The following MMP12 variants were observed in gnomAD, a reference collection of about 807,000 sequenced individuals.
MMP12 encodes the protein matrix metallopeptidase 12, also known as macrophage metalloelastase.
A neutral mutation model predicts 45.2 loss-of-function variants in MMP12; 51 were observed. The ratio of observed to expected loss-of-function variants is 1.13; its 90% CI spans 0.90 to 1.42. The LOEUF (loss-of-function observed/expected upper bound fraction) is 1.42, where lower values mean the gene tolerates loss of function less well. MMP12 is among the 40% of genes most tolerant of loss of function. The pLI, the probability that MMP12 is intolerant of heterozygous loss-of-function variation, is 0.00. For synonymous variants in MMP12, 210 were observed against 193.3 expected (o/e 1.09, Z -0.72); for missense variants, 530 against 570.8 (o/e 0.93, Z 0.73).
intron 9 of MMP12, 44 bp downstream of exon 9, chr11:102,864,102 G>A: frequency 7.3e-7 from 1 of 1,379,184 alleles, no homozygotes; most frequent in Non-Finnish European, 1.0e-6. Flanking sequence ...TTATAGCTTT[G>A]AAATGTTATT....
At chr11:102,870,117 A>C (rs370231836) in intron 4 of MMP12, among the ~76,000 whole-genome samples, 69 of 152,346 alleles carry the variant, frequency 4.5e-4, no homozygotes, top group African/African-American at 1.5e-3. Flanking sequence ...TCCACAAACT[A>C]GCCACTAACC....
chr11:102,864,405 C>T (rs1859348709), intron 8 of MMP12, among the ~76,000 whole-genome samples, 153 bp from the exon 9 acceptor site: 1 of 152,186 alleles, frequency 6.6e-6, no homozygotes, highest in South Asian at 2.1e-4. Flanking sequence ...CACTGATTTC[C>T]TCTGAGTCCC....
chr11:102,863,093 A>T lies in MMP12; in HGVS notation c.*7T>A. ...TGAACTAACAAAAACCATTAATTACACCATTTCTAACAACCAAACCAGCTA... is the reference window on the plus strand; with the variant it reads ...TGAACTAACAAAAACCATTAATTACTCCATTTCTAACAACCAAACCAGCTA... On this transcript the variant is annotated 3_prime_UTR_variant, in exon 10 of 10. Coordinates refer to ENST00000571244, the MANE Select transcript of MMP12 (RefSeq NM_002426.6). 1 of 1,585,630 alleles carries T rather than the reference A, an allele frequency of 6.3e-7. No individual in the cohort carries two copies. Among genetic ancestry groups the T allele is most frequent in the Non-Finnish European group, 8.6e-7 (1 of 1,159,014 alleles).
rs782703310 is a variant in MMP12, at chr11:102,872,855, C to A, written c.350+10G>T. The A allele has an allele frequency of 3.1e-6, 5 of 1,613,024 alleles. No homozygotes were observed. In the South Asian group the frequency reaches 4.4e-5, roughly 14 times the overall value. ...GTAGAAAAATACAGGGCGACATACA[C>A]CAACGTTACCTGTAGGTGATATAAT... is the stretch of plus-strand genomic sequence containing the variant. On this transcript the variant is annotated intron_variant, in intron 2 of 9. Coordinates refer to ENST00000571244, the MANE Select transcript of MMP12 (RefSeq NM_002426.6).
chr11:102,869,201 G>A (rs369489148), intron 4 of MMP12, among the ~76,000 whole-genome samples: 1 of 151,976 alleles, frequency 6.6e-6, no homozygotes, highest in Non-Finnish European at 1.5e-5. Context: ...GAACTGACTT[G>A]CCCAGAGTCA....
chr11:102,863,836 C>T (rs192966040), intron 9 of MMP12, among the ~76,000 whole-genome samples: 7 of 152,274 alleles, frequency 4.6e-5, no homozygotes, highest in Admixed American at 2.0e-4. Flanking sequence ...GCCATGTGCT[C>T]GCTTGCACAT....
Position 102,865,065 on chromosome 11 carries a change from G to A in MMP12, c.1205+711C>T, listed in dbSNP as rs368260854. On this transcript the variant is annotated intron_variant, in intron 8 of 9. Coordinates refer to ENST00000571244, the MANE Select transcript of MMP12 (RefSeq NM_002426.6). This position sits in a 1 kb window ranked among gnomAD's most constrained non-coding sequence, Gnocchi z 4.1. ...AGTTTTGTTTCTCAAACAGAGCTAA[G>A]GGCTGGTGGACAAATTCAAGTCATA... is the stretch of plus-strand genomic sequence containing the variant. Among the ~76,000 whole-genome samples the A allele has an allele frequency of 8.3e-4, 127 of 152,300 alleles. No homozygotes were observed. The Middle Eastern group carries it at 0.027, about 33-fold the overall frequency.
At position 102,867,377 on chromosome 11, in the gene MMP12, GT is replaced by G; in HGVS notation, c.803del (p.Asn268ThrfsTer19). On this transcript the variant is annotated frameshift_variant, in exon 6 of 10. Coordinates refer to ENST00000571244, the MANE Select transcript of MMP12 (RefSeq NM_002426.6). LOFTEE classifies it high-confidence loss of function. ...IQSLYGDPKE[N>X]QRLPNPDNSE... Reference sequence around the variant, plus strand: ...AATTGTCAGGATTTGGCAAGCGTTGGTTCTCTTTTGGGTCTCCTGAAAATAC... The same window carrying G: ...AATTGTCAGGATTTGGCAAGCGTTGGTCTCTTTTGGGTCTCCTGAAAATAC... 1 of 1,609,708 alleles carries G rather than the reference GT, an allele frequency of 6.2e-7. No homozygotes were observed.
chr11:102,864,698 T>C (rs1365721594), intron 8 of MMP12, among the ~76,000 whole-genome samples: 2 of 152,200 alleles, frequency 1.3e-5, no homozygotes, highest in African/African-American at 4.8e-5. Context: ...TTGAGAGAAA[T>C]TGAAAATAAA....
chr11:102,867,378 T>C lies in MMP12; in HGVS notation c.803A>G (p.Asn268Ser). 6.2e-7 allele frequency: 1 copy of C among 1,609,880 alleles called. No homozygotes were observed. Among genetic ancestry groups the C allele is most frequent in the Non-Finnish European group, 8.5e-7 (1 of 1,178,412 alleles). Reference protein sequence around the residue: ...IQSLYGDPKENQRLPNPDNSE... With the variant: ...IQSLYGDPKESQRLPNPDNSE... ...ATTGTCAGGATTTGGCAAGCGTTGG[T>C]TCTCTTTTGGGTCTCCTGAAAATAC... The change falls in exon 6 of 10, where the codon AAC (asparagine) becomes AGC (serine). Residue 268 changes from asparagine to serine, a missense_variant. Coordinates refer to ENST00000571244, the MANE Select transcript of MMP12 (RefSeq NM_002426.6).
intron 9 of MMP12, among the ~76,000 whole-genome samples, 181 bp downstream of exon 9, chr11:102,863,965 C>A (rs143450656): frequency 1.3e-5 from 2 of 152,204 alleles, no homozygotes; most frequent in African/African-American, 4.8e-5. Context: ...GTGCCACCAG[C>A]CCCTGCTCAT....
chr11:102,867,458 T>G (rs1169641327), intron 5 of MMP12, 65 bp from the exon 6 acceptor site: 1 of 1,440,878 alleles, frequency 6.9e-7, no homozygotes, highest in Non-Finnish European at 9.3e-7. Context: ...GGAGGAACAG[T>G]TATGTTTTAA....
In MMP12 at chr11:102,864,272, G is replaced by C. The variant is rs1555008213; in HGVS notation, c.1206-20C>G. On this transcript the variant is annotated intron_variant, in intron 8 of 9. Coordinates refer to ENST00000571244, the MANE Select transcript of MMP12 (RefSeq NM_002426.6). Reference sequence around the variant, plus strand: ...TCATACCTGAGCAAAGAAGTAACCAGCAGGAACTCAATCAGAAAGTGGCTT... The same window carrying C: ...TCATACCTGAGCAAAGAAGTAACCACCAGGAACTCAATCAGAAAGTGGCTT... The C allele has an allele frequency of 6.4e-7, 1 of 1,551,126 alleles. No homozygotes were observed. Among genetic ancestry groups the C allele is most frequent in the Non-Finnish European group, 8.9e-7 (1 of 1,123,634 alleles).
At position 102,864,144 on chromosome 11, in the gene MMP12, A is replaced by C. The variant is rs782154402; in HGVS notation, c.1312+2T>G. On this transcript the variant is annotated splice_donor_variant, in intron 9 of 9. Coordinates refer to ENST00000571244, the MANE Select transcript of MMP12 (RefSeq NM_002426.6). LOFTEE classifies it high-confidence loss of function. ...ATCTTCATGGTTTCCTCATCTACTTACTGTTTTTAGAGTAGAAGACTGCAT... is the reference window on the plus strand; with the variant it reads ...ATCTTCATGGTTTCCTCATCTACTTCCTGTTTTTAGAGTAGAAGACTGCAT... 6.3e-7 allele frequency: 1 copy of C among 1,577,050 alleles called. No individual in the cohort carries two copies. Among genetic ancestry groups the C allele is most frequent in the Admixed American group, 1.7e-5 (1 of 59,898 alleles).
At chr11:102,866,098 C>T (rs1267031560) in intron 7 of MMP12, among the ~76,000 whole-genome samples, 163 bp from the exon 8 acceptor site, 2 of 151,662 alleles carry the variant, frequency 1.3e-5, no homozygotes, top group East Asian at 1.9e-4. Context: ...GGTTTTTTTT[C>T]ACAAGTATTA....
rs1555008575 is a variant in MMP12 at position 102,866,433 on chromosome 11, C to T, written c.927G>A (p.Lys309=). 6.2e-7 allele frequency: 1 copy of T among 1,610,688 alleles called. No homozygotes were observed. The highest frequency in any genetic ancestry group is 8.5e-7 in the Non-Finnish European group (1 of 1,178,612). Residue 309 remains lysine, a synonymous_variant, in exon 7 of 10, where the codon AAG becomes AAA. Transcript: ENST00000571244. ...CACTGGTCTTTGGTCTCTCAGAAAC[C>T]TTCAGCCAGAAGAACCTGACATGAA... is the stretch of plus-strand genomic sequence containing the variant. The part of the protein sequence containing the change: ...FFFKDRFFWL[K]VSERPKTSVN...
intron 8 of MMP12, among the ~76,000 whole-genome samples, chr11:102,864,783 G>C (rs992997052): frequency 1.3e-5 from 2 of 152,212 alleles, no homozygotes; most frequent in East Asian, 1.9e-4. Flanking sequence ...AGTGAAAAGA[G>C]CTTTGTGTCT....
intron 9 of MMP12, 102 bp from the exon 10 acceptor site, chr11:102,863,302 G>A: frequency 2.8e-6 from 2 of 711,944 alleles, no homozygotes; most frequent in Non-Finnish European, 4.7e-6. Flanking sequence ...TAGAATAGAT[G>A]ACCTATGGGC....
chr11:102,863,651 G>A lies in MMP12; in HGVS notation c.1313-451C>T, dbSNP rs535268310. Reference sequence around the variant, plus strand: ...TACAAACAAAAAATCTTGACCCCATGAACAGTTGCTTAGGCTGGTCTTGTT... The same window carrying A: ...TACAAACAAAAAATCTTGACCCCATAAACAGTTGCTTAGGCTGGTCTTGTT... On this transcript the variant is annotated intron_variant, in intron 9 of 9. Coordinates refer to ENST00000571244, the MANE Select transcript of MMP12 (RefSeq NM_002426.6). Among the ~76,000 whole-genome samples, 5 of 152,226 alleles carry A rather than the reference G, an allele frequency of 3.3e-5. No individual in the cohort carries two copies. The South Asian group carries it at 1.0e-3, about 32-fold the overall frequency.
Sources: allele counts gnomAD v4.1 joint callset (sites outside exome capture counted in the v4.1 genomes callset), GRCh38; gene constraint gnomAD v4.1.1; non-coding constraint Gnocchi (gnomAD v3.1); transcripts MANE v1.5; gene names NCBI Gene and HGNC (gene_info 2026-07-23, HGNC 2026-07-21).